TRIP12: variants seen among roughly 807,000 people sequenced by gnomAD.
The protein encoded by TRIP12 is E3 ubiquitin-protein ligase TRIP12.
In TRIP12, 25 loss-of-function variants were observed where a neutral mutation model predicts 244.2. The ratio of observed to expected loss-of-function variants is 0.10; its 90% confidence interval spans 0.07 to 0.14. The LOEUF (loss-of-function observed/expected upper bound fraction) is 0.14. Among genes scored for constraint, TRIP12 ranks in the 10% least tolerant of loss-of-function variants. The pLI, the probability that TRIP12 is intolerant of heterozygous loss-of-function variation, is 1.00. For synonymous variants in TRIP12, 905 were observed against 873.1 expected (o/e 1.04, Z -0.64); for missense variants, 1,677 against 2,486.4 (o/e 0.67, Z 6.92).
At chr2:229,883,678 G>C (rs1185344118) in intron 1 of TRIP12, among the ~76,000 whole-genome samples, 1 of 152,142 alleles carries the variant, frequency 6.6e-6, no homozygotes, top group Non-Finnish European at 1.5e-5. Flanking sequence ...TAGAGAACAT[G>C]TATGACTTTA....
intron 21 of TRIP12, among the ~76,000 whole-genome samples, chr2:229,799,994 T>C (rs992109205): frequency 1.3e-5 from 2 of 152,066 alleles, no homozygotes; most frequent in African/African-American, 2.4e-5. Context: ...TATAAGTACA[T>C]AAAGCAAATA....
intron 33 of TRIP12, 85 bp downstream of exon 33, chr2:229,787,420 T>C: frequency 7.1e-7 from 1 of 1,411,524 alleles, no homozygotes; most frequent in East Asian, 2.4e-5. Flanking sequence ...AAGACCAACA[T>C]GCATATTTAG....
chr2:229,860,616 C>T, intron 2 of TRIP12, 85 bp from the exon 3 acceptor site: 1 of 1,250,218 alleles, frequency 8.0e-7, no homozygotes, highest in South Asian at 2.2e-5. Flanking sequence ...TTATATATTT[C>T]TTAAAGCTTC....
intron 4 of TRIP12, among the ~76,000 whole-genome samples, chr2:229,852,102 C>T (rs1016428528): frequency 6.6e-6 from 1 of 152,148 alleles, no homozygotes; most frequent in Non-Finnish European, 1.5e-5. Flanking sequence ...TGATAAAAAC[C>T]ACAGGCTACA....
At chr2:229,887,988 T>C (rs2066418213) in intron 1 of TRIP12, among the ~76,000 whole-genome samples, 1 of 152,194 alleles carries the variant, frequency 6.6e-6, no homozygotes, top group Non-Finnish European at 1.5e-5. Flanking sequence ...TCTAAAATTC[T>C]TTATTAAATT....
At chr2:229,794,511 A>G (rs1180333463) in intron 26 of TRIP12, among the ~76,000 whole-genome samples, 2 of 152,182 alleles carry the variant, frequency 1.3e-5, no homozygotes, top group Non-Finnish European at 2.9e-5. Flanking sequence ...GGCTGCAGTG[A>G]GCCATGTTCA....
intron 30 of TRIP12, 152 bp downstream of exon 30, chr2:229,790,972 G>T (rs541240569): frequency 2.0e-6 from 2 of 978,952 alleles, no homozygotes; most frequent in Non-Finnish European, 3.0e-6. Context: ...TTAAAGTTGA[G>T]GATTAAATGT....
In TRIP12 at chr2:229,779,036, GTTTT is replaced by G. The variant is rs751917842; in HGVS notation, c.5095-50_5095-47del. On this transcript the variant is annotated intron_variant, in intron 34 of 41. Transcript: ENST00000675903. ...AACGATTTCAAATTTTAAGAATTGT[GTTTT>G]TTTACTGCCAACCTCTTGGAAATGT... 2.4e-5 allele frequency: 37 copies of G among 1,510,464 alleles called. No individual in the cohort carries two copies. The South Asian group carries it at 4.0e-4, about 16-fold the overall frequency. The allele number at this position is 1,510,464 out of a possible 1,614,324, so 93.6% of individuals were successfully genotyped here. A position where few individuals can be genotyped will look rare whatever the true frequency, so the allele number is the denominator to read the frequency against.
Position 229,802,533 on chromosome 2 carries a change from C to T in TRIP12, c.2999-74G>A. ...ACCTTCTCCCCACCATTACAAAATC[C>T]CTAAATACCAACACTGACATAATAC... On this transcript the variant is annotated intron_variant, in intron 20 of 41. Transcript: ENST00000675903. 6.2e-6 allele frequency: 7 copies of T among 1,135,934 alleles called. No individual in the cohort carries two copies. The South Asian group carries it at 9.4e-5, about 15-fold the overall frequency. The allele number at this position is 1,135,934 out of a possible 1,614,324, so 70.4% of individuals were successfully genotyped here. A position where few individuals can be genotyped will look rare whatever the true frequency, so the allele number is the denominator to read the frequency against.
intron 4 of TRIP12, among the ~76,000 whole-genome samples, chr2:229,857,245 C>T (rs1343645424): frequency 6.6e-6 from 1 of 152,086 alleles, no homozygotes; most frequent in African/African-American, 2.4e-5. Context: ...AGCAAGCTTC[C>T]TAATTAGGTA....
At chr2:229,795,894 G>A (rs1395182091) in intron 25 of TRIP12, among the ~76,000 whole-genome samples, 1 of 152,152 alleles carries the variant, frequency 6.6e-6, no homozygotes. Flanking sequence ...TAAAATACAA[G>A]CAATGCTCAA....
At position 229,770,136 on chromosome 2, in the gene TRIP12, A is replaced by G. The variant is rs148869890; in HGVS notation, c.5809-811T>C. Among the ~76,000 whole-genome samples, 831 of 152,110 alleles carry G rather than the reference A, an allele frequency of 5.5e-3. 13 individuals are homozygous for G. Among genetic ancestry groups the G allele is most frequent in the Non-Finnish European group, 4.6e-3 (314 of 67,974 alleles). The stretch of plus-strand genomic sequence containing the variant: ...CAGGTGCATACCACCACGCCCAGCT[A>G]ATTATTTTTTTTATTTTAGACAAGG... On this transcript the variant is annotated intron_variant, in intron 39 of 41. Transcript: ENST00000675903.
intron 8 of TRIP12, among the ~76,000 whole-genome samples, chr2:229,821,298 C>G (rs923946357): frequency 1.3e-5 from 2 of 152,136 alleles, no homozygotes; most frequent in African/African-American, 2.4e-5. Context: ...AAGGAAAAAT[C>G]TTGGTAACTA....
At position 229,871,942 on chromosome 2, in the gene TRIP12, G is replaced by C. The variant is rs191947618; in HGVS notation, c.98+8040C>G. On this transcript the variant is annotated intron_variant, in intron 2 of 41. Coordinates refer to ENST00000675903, the MANE Select transcript of TRIP12 (RefSeq NM_001348323.3). ...TAGAGAAGTACTAGTACAAGTTCAC[G>C]ATGACAGTGAGAATGTTCAGGTGTG... Among the ~76,000 whole-genome samples the C allele has an allele frequency of 1.1e-4, 17 of 151,944 alleles. No individual in the cohort carries two copies. In the East Asian group the frequency reaches 3.3e-3, roughly 29 times the overall value.
At chr2:229,857,808 TTC>T (rs567516804) in intron 4 of TRIP12, among the ~76,000 whole-genome samples, 40 of 152,326 alleles carry the variant, frequency 2.6e-4, no homozygotes, top group Middle Eastern at 3.4e-3. Context: ...TCCATCTACT[TTC>T]TGTTTCTTTG....
chr2:229,894,194 G>T (rs912862417), intron 1 of TRIP12, among the ~76,000 whole-genome samples: 2 of 152,052 alleles, frequency 1.3e-5, no homozygotes, highest in African/African-American at 4.8e-5. Context: ...GTGTGTAGTA[G>T]TATCTTATTA....
chr2:229,861,299 CTG>C (rs1209707014), intron 2 of TRIP12, among the ~76,000 whole-genome samples: 2 of 152,152 alleles, frequency 1.3e-5, no homozygotes, highest in East Asian at 1.9e-4. Flanking sequence ...CATGAAAAAA[CTG>C]TTTTCAGTTA....
chr2:229,822,750 A>G (rs2050407687), intron 8 of TRIP12, among the ~76,000 whole-genome samples: 1 of 152,230 alleles, frequency 6.6e-6, no homozygotes, highest in African/African-American at 2.4e-5. Flanking sequence ...AAAAGACAAT[A>G]AAAGCAGACC....
intron 27 of TRIP12, 45 bp from the exon 28 acceptor site, chr2:229,792,271 T>TAA (rs374041177): frequency 5.0e-5 from 67 of 1,351,354 alleles, no homozygotes; most frequent in Middle Eastern, 2.0e-4. Context: ...ATTTTAGGTG[T>TAA]AAAAAAAAAA....
Sources: allele counts gnomAD v4.1 joint callset (sites outside exome capture counted in the v4.1 genomes callset), GRCh38; gene constraint gnomAD v4.1.1; transcripts MANE v1.5; gene names NCBI Gene and HGNC (gene_info 2026-07-23, HGNC 2026-07-21).